Variants in MATR3 observed in about 807,000 individuals in gnomAD.
The protein encoded by MATR3 is matrin 3, also known as matrin-3.
Under a neutral mutation model 85.5 loss-of-function variants are expected in MATR3, and 4 were observed. That is an observed-to-expected ratio of 0.05 (90% CI 0.02 to 0.11). The LOEUF is 0.11. Ranked by LOEUF, MATR3 falls within the 10% of genes least tolerant of loss-of-function variation. The pLI is 1.00. For missense variants in MATR3, 685 were observed against 1,016.1 expected, an observed-to-expected ratio of 0.67 and a Z score of 4.43; for synonymous variants, 336 against 343.1, an observed-to-expected ratio of 0.98 and a Z score of 0.23.
intron 10 of MATR3, among the ~76,000 whole-genome samples, 178 bp downstream of exon 10, chr5:139,322,207 A>C (rs920240426): frequency 6.6e-6 from 1 of 152,246 alleles, no homozygotes; most frequent in Non-Finnish European, 1.5e-5. Flanking sequence ...TTTTTAAACG[A>C]GTCTTCCCTA....
At chr5:139,293,275 T>A (rs1353770103), upstream of MATR3, 1 of 151,944 alleles carries the variant, frequency 6.6e-6, no homozygotes, top group Non-Finnish European at 1.5e-5. Context: ...TAAACATACC[T>A]AAATAAAAAC....
At chr5:139,327,051 A>G (rs1355112685) in intron 14 of MATR3, among the ~76,000 whole-genome samples, 1 of 152,248 alleles carries the variant, frequency 6.6e-6, no homozygotes, top group African/African-American at 2.4e-5. Flanking sequence ...TCACTAAAGA[A>G]TAATTCCTAT....
intron 2 of MATR3, among the ~76,000 whole-genome samples, chr5:139,308,687 A>G (rs546209854): frequency 6.6e-6 from 1 of 152,066 alleles, no homozygotes; most frequent in Non-Finnish European, 1.5e-5. Flanking sequence ...GCCATTCAGG[A>G]TGCTAGATTT....
At chr5:139,303,549 A>G (rs1408145175) in intron 1 of MATR3, among the ~76,000 whole-genome samples, 1 of 152,136 alleles carries the variant, frequency 6.6e-6, no homozygotes, top group Non-Finnish European at 1.5e-5. Flanking sequence ...CCTGGCCAAC[A>G]TGGTGAAAAC....
At position 139,318,882 on chromosome 5, in the gene MATR3, A is replaced by G. The variant is rs150980753; in HGVS notation, c.1309-26A>G. On this transcript the variant is annotated intron_variant, in intron 7 of 14. Transcript: ENST00000394805. ...TGAGAAAGCTGATTGGAAAAAACAG[A>G]GAAATAACTTTTTGTATAATTTCAG... 65 of 1,613,544 alleles carry G rather than the reference A, an allele frequency of 4.0e-5. No individual in the cohort carries two copies. The East Asian group carries it at 1.2e-3, about 30-fold the overall frequency.
chr5:139,302,275 C>T (rs1248691476), intron 1 of MATR3, among the ~76,000 whole-genome samples: 2 of 152,002 alleles, frequency 1.3e-5, no homozygotes, highest in African/African-American at 4.8e-5. Flanking sequence ...TTTAAAAACT[C>T]TTAAGCCACT....
chr5:139,331,463 A>G lies in MATR3; in HGVS notation c.*2068A>G, dbSNP rs1400536991. 4.4e-6 allele frequency: 2 copies of G among 454,030 alleles called. No homozygotes were observed. The highest frequency in any genetic ancestry group is 8.8e-6 in the Non-Finnish European group (2 of 226,800). The allele number at this position is 454,030 out of a possible 1,614,324, so 28.1% of individuals were successfully genotyped here. A position where few individuals can be genotyped will look rare whatever the true frequency, so the allele number is the denominator to read the frequency against. On this transcript the variant is annotated 3_prime_UTR_variant, in exon 15 of 15. Coordinates refer to ENST00000394805, the MANE Select transcript of MATR3 (RefSeq NM_018834.6). ...AAAGAATGCTATGTTTTTAATACCT[A>G]CATTTGAGAGCATTTAGAAATCAGA...
In MATR3 at chr5:139,293,795, C is replaced by A; in HGVS notation, c.-188C>A. 1 of 400,846 alleles carries A rather than the reference C, an allele frequency of 2.5e-6. No individual in the cohort carries two copies. The highest frequency in any genetic ancestry group is 4.4e-6 in the Non-Finnish European group (1 of 229,144). The allele number at this position is 400,846 out of a possible 1,614,324, so 24.8% of individuals were successfully genotyped here. A position where few individuals can be genotyped will look rare whatever the true frequency, so the allele number is the denominator to read the frequency against. On this transcript the variant is annotated 5_prime_UTR_variant, in exon 1 of 15. Transcript: ENST00000394805. The stretch of plus-strand genomic sequence containing the variant: ...GAGGTACCTCTCCTTTTCCCTCTCC[C>A]TTTCCCTAAGGTAGGCGTGAAGCGG...
upstream of MATR3, among the ~76,000 whole-genome samples, chr5:139,290,438 C>CTCTTTTTTTT (rs1753835437): frequency 2.2e-5 from 1 of 44,970 alleles, no homozygotes; most frequent in African/African-American, 1.3e-4. Context: ...CCTGGCCGCT[C>CTCTTTTTTTT]TTTTTTTTTT....
intron 12 of MATR3, among the ~76,000 whole-genome samples, chr5:139,325,124 C>T (rs1392236568): frequency 6.6e-6 from 1 of 151,438 alleles, no homozygotes; most frequent in South Asian, 2.1e-4. Context: ...ACCAGGGAGG[C>T]GGAGGTTGCA....
Position 139,322,980 on chromosome 5 carries a change from AC to A in MATR3, c.2148+14del. On this transcript the variant is annotated intron_variant, in intron 12 of 14. Coordinates refer to ENST00000394805, the MANE Select transcript of MATR3 (RefSeq NM_018834.6). The stretch of plus-strand genomic sequence containing the variant: ...AAAGCTTAAAAAGGTAAAGAAAGAT[AC>A]ATTGATTTGTTTTAATAGAACATTA... The A allele has an allele frequency of 1.3e-6, 2 of 1,542,902 alleles. No individual in the cohort carries two copies. The highest frequency in any genetic ancestry group is 1.8e-6 in the Non-Finnish European group (2 of 1,125,126).
intron 3 of MATR3, chr5:139,285,210 A>G (rs1052683403): frequency 6.6e-6 from 1 of 152,218 alleles, no homozygotes; most frequent in African/African-American, 2.4e-5. Context: ...CAAATGTCTT[A>G]CTTACAGATT....
intron 1 of MATR3, among the ~76,000 whole-genome samples, chr5:139,303,097 A>AC (rs1754535517): frequency 6.7e-6 from 1 of 149,614 alleles, no homozygotes; most frequent in South Asian, 2.1e-4. Flanking sequence ...GAGAAAAATT[A>AC]TTTTTTTATT....
chr5:139,315,477 T>C (rs1327047149), intron 3 of MATR3: 3 of 496,186 alleles, frequency 6.0e-6, no homozygotes, highest in Non-Finnish European at 1.1e-5. Flanking sequence ...ATTATCTGCA[T>C]TTGCAAGCAA....
intron 1 of MATR3, among the ~76,000 whole-genome samples, chr5:139,299,165 T>A (rs1754314443): frequency 6.6e-6 from 1 of 152,172 alleles, no homozygotes; most frequent in African/African-American, 2.4e-5. Flanking sequence ...GTATAATACA[T>A]TGAATGATTA....
chr5:139,300,887 C>A (rs1055833913), intron 1 of MATR3, among the ~76,000 whole-genome samples: 1 of 152,076 alleles, frequency 6.6e-6, no homozygotes, highest in African/African-American at 2.4e-5. Flanking sequence ...GATCTCAGCT[C>A]ACTGCAACCT....
intron 14 of MATR3, among the ~76,000 whole-genome samples, chr5:139,326,622 T>C (rs915688850): frequency 2.0e-5 from 3 of 152,114 alleles, no homozygotes; most frequent in African/African-American, 7.2e-5. Context: ...GGTTTCACCA[T>C]GTTGGCTAGC....
chr5:139,293,720 C>G, upstream of MATR3: 1 of 356,622 alleles, frequency 2.8e-6, no homozygotes, highest in Non-Finnish European at 5.0e-6. Context: ...CTCGCCAGCG[C>G]CGTTGCTGCG....
At chr5:139,321,104 C>T (rs1160655390) in intron 9 of MATR3, among the ~76,000 whole-genome samples, 1 of 151,650 alleles carries the variant, frequency 6.6e-6, no homozygotes, top group Non-Finnish European at 1.5e-5. Context: ...GTATTTGGCA[C>T]TAAAGTGATT....
Sources: gnomAD v4.1 joint callset for allele counts (sites outside exome capture counted in the v4.1 genomes callset) on GRCh38, gnomAD v4.1.1 for gene constraint, MANE v1.5 for transcripts, NCBI Gene and HGNC (gene_info 2026-07-23, HGNC 2026-07-21) for gene names.